The following SPAG16 variants were observed in gnomAD, a reference collection of about 807,000 sequenced individuals.
The protein encoded by SPAG16 is sperm-associated antigen 16 protein.
In SPAG16, 86 loss-of-function variants were observed where a neutral mutation model predicts 80.4. The ratio of observed to expected loss-of-function variants is 1.07; its 90% CI spans 0.90 to 1.28. The LOEUF is 1.28. Ranked by LOEUF, SPAG16 falls within the 50% of genes most tolerant of loss-of-function variation. The probability of loss-of-function intolerance (pLI) is 0.00; values close to 1 mark genes in which losing one functional copy is unlikely to be tolerated. For missense variants in SPAG16, 870 were observed against 765.3 expected (o/e 1.14, Z -1.61); for synonymous variants, 294 against 265.9 (o/e 1.11, Z -1.03).
intron 10 of SPAG16, among the ~76,000 whole-genome samples, chr2:213,496,189 G>C (rs2125755343): frequency 6.6e-6 from 1 of 152,326 alleles, no homozygotes; most frequent in East Asian, 1.9e-4. Context: ...GGAGTAAGTT[G>C]ACAGTGATAT....
rs367581090 is a variant in SPAG16, at chr2:213,577,602, A to G, written c.1070+87512A>G. Among the ~76,000 whole-genome samples, 22 of 152,290 alleles carry G rather than the reference A, an allele frequency of 1.4e-4. 1 individual carries two copies. The highest frequency in any genetic ancestry group is 5.3e-4 in the African/African-American group (22 of 41,574). ...ACTTATAGGAGGATCCAATCCTGAC[A>G]CTTAAGATAATTCTGGTAGTGACAA... On this transcript the variant is annotated intron_variant, in intron 10 of 15. Transcript: ENST00000331683.
intron 9 of SPAG16, among the ~76,000 whole-genome samples, chr2:213,475,558 T>G (rs2073325665): frequency 6.6e-6 from 1 of 152,160 alleles, no homozygotes; most frequent in Non-Finnish European, 1.5e-5. Context: ...TCTCAGTAAC[T>G]GGTACTGGCA....
At chr2:214,077,739 G>A (rs1002154575) in intron 13 of SPAG16, among the ~76,000 whole-genome samples, 2 of 152,200 alleles carry the variant, frequency 1.3e-5, no homozygotes, top group Non-Finnish European at 2.9e-5. Flanking sequence ...TAGAAATATA[G>A]GGGAGTTTGA....
At chr2:213,947,695 G>A (rs1295110223) in intron 12 of SPAG16, among the ~76,000 whole-genome samples, 1 of 152,056 alleles carries the variant, frequency 6.6e-6, no homozygotes, top group Non-Finnish European at 1.5e-5. Context: ...AACAAATAAA[G>A]TACCTAATTT....
chr2:214,107,300 A>G (rs1163338851), intron 13 of SPAG16, among the ~76,000 whole-genome samples: 1 of 152,216 alleles, frequency 6.6e-6, no homozygotes, highest in Non-Finnish European at 1.5e-5. Context: ...CTAAGCACCT[A>G]GAATTGTGCC....
intron 11 of SPAG16, among the ~76,000 whole-genome samples, chr2:213,925,870 A>G (rs756190341): frequency 2.0e-5 from 3 of 152,148 alleles, no homozygotes; most frequent in Non-Finnish European, 4.4e-5. Flanking sequence ...TAAATAAATA[A>G]CCTTATTTTT....
chr2:213,375,883 T>G (rs2125208765), intron 9 of SPAG16, among the ~76,000 whole-genome samples: 1 of 151,472 alleles, frequency 6.6e-6, no homozygotes, highest in East Asian at 1.9e-4. Flanking sequence ...CCAATAATTT[T>G]TTTTCTCTCT....
chr2:214,291,450 C>T (rs968306551), intron 15 of SPAG16, among the ~76,000 whole-genome samples: 2 of 149,838 alleles, frequency 1.3e-5, no homozygotes, highest in African/African-American at 4.9e-5. Flanking sequence ...GGACTACAGG[C>T]GCCCGCCACT....
intron 10 of SPAG16, among the ~76,000 whole-genome samples, chr2:213,546,715 A>G (rs1191239550): frequency 6.6e-6 from 1 of 152,100 alleles, no homozygotes; most frequent in Non-Finnish European, 1.5e-5. Flanking sequence ...GTTTCTTGAT[A>G]TTTCTTTTTA....
At chr2:213,660,345 C>T (rs2063376164) in intron 10 of SPAG16, among the ~76,000 whole-genome samples, 1 of 151,488 alleles carries the variant, frequency 6.6e-6, no homozygotes, top group Non-Finnish European at 1.5e-5. Flanking sequence ...TCTCAGCTCA[C>T]TGCAACCTCT....
At chr2:214,370,020 C>A (rs1316886003) in intron 15 of SPAG16, among the ~76,000 whole-genome samples, 1 of 152,092 alleles carries the variant, frequency 6.6e-6, no homozygotes, top group Non-Finnish European at 1.5e-5. Flanking sequence ...TGGTCATTGG[C>A]AAATGCTGAC....
chr2:214,306,524 G>T (rs1199876732), intron 15 of SPAG16, among the ~76,000 whole-genome samples: 1 of 152,156 alleles, frequency 6.6e-6, no homozygotes, highest in Non-Finnish European at 1.5e-5. Flanking sequence ...GTAATAGATG[G>T]ATTTTATTAT....
At chr2:214,158,787 C>T (rs1559092679) in intron 15 of SPAG16, among the ~76,000 whole-genome samples, 2 of 151,982 alleles carry the variant, frequency 1.3e-5, no homozygotes, top group African/African-American at 2.4e-5. Flanking sequence ...TCAAAAGGTG[C>T]TTGGAAATAT....
intron 10 of SPAG16, among the ~76,000 whole-genome samples, chr2:213,565,829 G>T (rs952634983): frequency 6.6e-6 from 1 of 152,178 alleles, no homozygotes; most frequent in African/African-American, 2.4e-5. Context: ...CCAGATGAAT[G>T]CCAGAAGCAA....
intron 13 of SPAG16, among the ~76,000 whole-genome samples, chr2:214,053,569 C>A (rs2049774902): frequency 6.6e-6 from 1 of 152,130 alleles, no homozygotes; most frequent in African/African-American, 2.4e-5. Context: ...GGAATACAAC[C>A]AATTCACTCA....
intron 10 of SPAG16, among the ~76,000 whole-genome samples, chr2:213,620,492 C>T (rs936076901): frequency 2.0e-5 from 3 of 151,766 alleles, no homozygotes; most frequent in African/African-American, 7.3e-5. Flanking sequence ...TAGGGTTTCA[C>T]CGTGTTAGCC....
chr2:214,086,647 T>C (rs2051783139), intron 13 of SPAG16, among the ~76,000 whole-genome samples: 2 of 152,280 alleles, frequency 1.3e-5, no homozygotes, highest in Non-Finnish European at 2.9e-5. Context: ...TGTGGAACTA[T>C]GAACAATTAA....
chr2:213,585,419 G>A (rs2060435481), intron 10 of SPAG16, among the ~76,000 whole-genome samples: 1 of 151,614 alleles, frequency 6.6e-6, no homozygotes, highest in Admixed American at 6.6e-5. Flanking sequence ...TGGGACTACA[G>A]GTACGTGCCA....
At chr2:213,773,623 C>T (rs148726624) in intron 10 of SPAG16, among the ~76,000 whole-genome samples, 27 of 152,172 alleles carry the variant, frequency 1.8e-4, no homozygotes, top group East Asian at 5.8e-4. Context: ...GGCATGATCT[C>T]GGCTTACTGC....
Sources: gnomAD v4.1 joint callset for allele counts (sites outside exome capture counted in the v4.1 genomes callset) on GRCh38, gnomAD v4.1.1 for gene constraint, MANE v1.5 for transcripts, NCBI Gene and HGNC (gene_info 2026-07-23, HGNC 2026-07-21) for gene names.